The following GAREM1 variants were observed in gnomAD, a reference collection of about 807,000 sequenced individuals.
The protein encoded by GAREM1 is GRB2 associated regulator of MAPK1 subtype 1.
Under a neutral mutation model 71.3 loss-of-function variants are expected in GAREM1, and 26 were observed. That is an observed-to-expected ratio of 0.36 (90% confidence interval 0.27 to 0.51). The LOEUF (loss-of-function observed/expected upper bound fraction) is 0.51, where lower values mean the gene tolerates loss of function less well. GAREM1 is among the 20% of genes least tolerant of loss of function. GAREM1 has a pLI of 0.95. For synonymous variants in GAREM1, 440 were observed against 433.2 expected (o/e 1.02, Z -0.20); for missense variants, 1,026 against 1,103.1 (o/e 0.93, Z 0.99).
At chr18:32,301,302 T>G (rs1269559038) in intron 3 of GAREM1, among the ~76,000 whole-genome samples, 2 of 152,222 alleles carry the variant, frequency 1.3e-5, no homozygotes, top group Non-Finnish European at 2.9e-5. Flanking sequence ...GTTAAGACCT[T>G]ATGGAGTTTG....
chr18:32,410,550 A>G (rs959977793), intron 1 of GAREM1, among the ~76,000 whole-genome samples: 1 of 151,870 alleles, frequency 6.6e-6, no homozygotes, highest in African/African-American at 2.4e-5. Flanking sequence ...ATCTCTCCCT[A>G]TGTTGCCCAG....
In GAREM1 at chr18:32,464,860, C is replaced by T. The variant is rs1400425111; in HGVS notation, c.121+5448G>A. Among the ~76,000 whole-genome samples the T allele has an allele frequency of 3.3e-5, 5 of 152,094 alleles. No homozygotes were observed. The East Asian group carries it at 9.6e-4, about 29-fold the overall frequency. On this transcript the variant is annotated intron_variant, in intron 1 of 5. Coordinates refer to ENST00000269209, the MANE Select transcript of GAREM1 (RefSeq NM_001242409.2). ...AGAATGTAAGCACCACAAAGACATA[C>T]AGTTTTGTCTGATTTGTTCAGTGCT...
chr18:32,420,551 A>G (rs764640937), intron 1 of GAREM1, among the ~76,000 whole-genome samples: 7 of 152,060 alleles, frequency 4.6e-5, no homozygotes, highest in African/African-American at 7.2e-5. Context: ...ATCCATCCCA[A>G]TGACCACCAC....
intron 1 of GAREM1, among the ~76,000 whole-genome samples, chr18:32,421,546 G>C (rs549677583): frequency 2.5e-4 from 38 of 152,260 alleles, no homozygotes; most frequent in Admixed American, 2.2e-3. Flanking sequence ...AAACGCCGTG[G>C]GGTGCAGCAT....
intron 1 of GAREM1, chr18:32,412,546 C>G (rs190843430): frequency 5.1e-5 from 82 of 1,596,742 alleles, no homozygotes; most frequent in Non-Finnish European, 6.6e-5. Context: ...TCATTCCCAC[C>G]GAAACCACCT....
At chr18:32,274,816 G>A (rs763184687) in intron 4 of GAREM1, among the ~76,000 whole-genome samples, 5 of 152,034 alleles carry the variant, frequency 3.3e-5, no homozygotes, top group Admixed American at 1.3e-4. Flanking sequence ...ATGAGCCTGC[G>A]AGCTAAAATG....
intron 2 of GAREM1, among the ~76,000 whole-genome samples, chr18:32,327,495 T>C (rs1258323789): frequency 6.6e-6 from 1 of 152,096 alleles, no homozygotes; most frequent in Non-Finnish European, 1.5e-5. Context: ...TAATAGCTCA[T>C]GATGAAGAAA....
At chr18:32,399,745 GC>G (rs1466310959) in intron 1 of GAREM1, among the ~76,000 whole-genome samples, 1 of 152,110 alleles carries the variant, frequency 6.6e-6, no homozygotes, top group Non-Finnish European at 1.5e-5. Flanking sequence ...TGGCCATACT[GC>G]CCAAGGTAAT....
At position 32,397,258 on chromosome 18, in the gene GAREM1, A is replaced by C. The variant is rs1182701146; in HGVS notation, c.122-4223T>G. On this transcript the variant is annotated intron_variant, in intron 1 of 5. Transcript: ENST00000269209. ...AACTGCATCAACTAACGAGCAAAAT[A>C]ACCAGCTAACATCATAATGACAGGA... is the stretch of plus-strand genomic sequence containing the variant. Among the ~76,000 whole-genome samples the C allele has an allele frequency of 2.6e-5, 4 of 152,174 alleles. No homozygotes were observed. In the South Asian group the frequency reaches 6.2e-4, roughly 24 times the overall value.
intron 2 of GAREM1, among the ~76,000 whole-genome samples, chr18:32,310,787 T>C (rs1191481185): frequency 2.0e-5 from 3 of 151,836 alleles, no homozygotes; most frequent in African/African-American, 4.8e-5. Context: ...TTTTTGCAAA[T>C]AGAACAAAAT....
chr18:32,307,938 G>C (rs1316290867), intron 3 of GAREM1, among the ~76,000 whole-genome samples: 1 of 152,114 alleles, frequency 6.6e-6, no homozygotes, highest in Admixed American at 6.5e-5. Context: ...ATTTACTTGT[G>C]TGTTTATCAC....
At chr18:32,281,532 AC>A (rs1265860925) in intron 4 of GAREM1, among the ~76,000 whole-genome samples, 2 of 152,240 alleles carry the variant, frequency 1.3e-5, no homozygotes, top group Admixed American at 1.3e-4. Flanking sequence ...CCTGTCTAAC[AC>A]AAAGGTTCAC....
intron 2 of GAREM1, among the ~76,000 whole-genome samples, chr18:32,348,624 T>G (rs1293252408): frequency 1.3e-5 from 2 of 152,134 alleles, no homozygotes; most frequent in African/African-American, 4.8e-5. Flanking sequence ...CTGAGGAGGC[T>G]GAGGCAGGAG....
intron 1 of GAREM1, among the ~76,000 whole-genome samples, chr18:32,408,000 T>A (rs1027533518): frequency 6.6e-6 from 1 of 152,068 alleles, no homozygotes; most frequent in South Asian, 2.1e-4. Context: ...AAACTAACTC[T>A]ACTAAAGGTG....
At chr18:32,388,623 G>A (rs566995181) in intron 2 of GAREM1, among the ~76,000 whole-genome samples, 3 of 152,324 alleles carry the variant, frequency 2.0e-5, no homozygotes, top group African/African-American at 7.2e-5. Context: ...GACCAGCCAA[G>A]ACTGCATAGC....
At chr18:32,445,383 T>G (rs551765675) in intron 1 of GAREM1, among the ~76,000 whole-genome samples, 6 of 152,224 alleles carry the variant, frequency 3.9e-5, no homozygotes, top group South Asian at 2.1e-4. Context: ...AAAGAACAGA[T>G]TTGTAAGCAG....
At chr18:32,369,424 T>C (rs900077136) in intron 2 of GAREM1, among the ~76,000 whole-genome samples, 2 of 152,190 alleles carry the variant, frequency 1.3e-5, no homozygotes, top group African/African-American at 4.8e-5. Flanking sequence ...TTGTTGGAGG[T>C]TAAAAATGTG....
chr18:32,428,041 A>G (rs1214615395), intron 1 of GAREM1, among the ~76,000 whole-genome samples: 1 of 152,210 alleles, frequency 6.6e-6, no homozygotes, highest in Non-Finnish European at 1.5e-5. Flanking sequence ...AAAGGAAATC[A>G]TCTTTTTAAA....
At chr18:32,405,187 C>A (rs1307119025) in intron 1 of GAREM1, among the ~76,000 whole-genome samples, 1 of 151,894 alleles carries the variant, frequency 6.6e-6, no homozygotes, top group East Asian at 1.9e-4. Flanking sequence ...ACTTCTCTTA[C>A]AATTTTTTTT....
Sources: allele counts gnomAD v4.1 joint callset (sites outside exome capture counted in the v4.1 genomes callset), GRCh38; gene constraint gnomAD v4.1.1; transcripts MANE v1.5; gene names NCBI Gene and HGNC (gene_info 2026-07-23, HGNC 2026-07-21).